Variants in ATP8A1 observed in about 807,000 individuals in gnomAD.
The protein encoded by ATP8A1 is ATPase phospholipid transporting 8A1, also known as phospholipid-transporting ATPase IA.
A neutral mutation model predicts 177.7 loss-of-function variants in ATP8A1; 90 were observed. The observed-to-expected ratio is 0.51, with a 90% CI of 0.43 to 0.60. The LOEUF (loss-of-function observed/expected upper bound fraction) is 0.60. Ranked by LOEUF, ATP8A1 falls within the 20% of genes least tolerant of loss-of-function variation. The pLI is 0.00. For synonymous variants in ATP8A1, 493 were observed against 485.9 expected, an observed-to-expected ratio of 1.01 and a Z score of -0.19; for missense variants, 1,072 against 1,392.8, an observed-to-expected ratio of 0.77 and a Z score of 3.67.
intron 1 of ATP8A1, among the ~76,000 whole-genome samples, chr4:42,640,798 G>A (rs1341369675): frequency 6.6e-6 from 1 of 152,084 alleles, no homozygotes. Context: ...TAGTACCTGA[G>A]CCCTAGGTGT....
chr4:42,594,711 T>C (rs995552469), intron 6 of ATP8A1, among the ~76,000 whole-genome samples: 5 of 152,118 alleles, frequency 3.3e-5, no homozygotes, highest in Non-Finnish European at 7.4e-5. Context: ...TCAATGCAAC[T>C]GGAGACGCTA....
intron 29 of ATP8A1, among the ~76,000 whole-genome samples, chr4:42,453,790 G>A (rs1352834274): frequency 1.3e-5 from 2 of 152,160 alleles, no homozygotes; most frequent in African/African-American, 4.8e-5. Context: ...GTTGGTTGGT[G>A]AGAATTATTG....
chr4:42,440,646 T>C (rs1057175052), intron 33 of ATP8A1, among the ~76,000 whole-genome samples: 6 of 152,176 alleles, frequency 3.9e-5, no homozygotes, highest in African/African-American at 9.7e-5. Flanking sequence ...AATATATATA[T>C]AGTCCTTACA....
At chr4:42,470,982 A>G (rs1720335590) in intron 25 of ATP8A1, among the ~76,000 whole-genome samples, 1 of 152,212 alleles carries the variant, frequency 6.6e-6, no homozygotes, top group Non-Finnish European at 1.5e-5. Context: ...AACGTAAACT[A>G]GAAGATCTTA....
chr4:42,573,522 G>A (rs568700384), intron 14 of ATP8A1, among the ~76,000 whole-genome samples: 3 of 152,232 alleles, frequency 2.0e-5, no homozygotes, highest in Non-Finnish European at 2.9e-5. Context: ...CATCCAGCCC[G>A]GGAAGCAGTA....
At chr4:42,434,986 A>G (rs1444977325) in intron 33 of ATP8A1, among the ~76,000 whole-genome samples, 2 of 152,198 alleles carry the variant, frequency 1.3e-5, no homozygotes, top group Non-Finnish European at 2.9e-5. Flanking sequence ...TAATCCAGTT[A>G]CTTTTTTAAA....
chr4:42,465,748 A>G (rs1719670479), intron 25 of ATP8A1, among the ~76,000 whole-genome samples: 1 of 152,126 alleles, frequency 6.6e-6, no homozygotes, highest in South Asian at 2.1e-4. Context: ...AAACACTAGG[A>G]CTGGCCGGGT....
intron 30 of ATP8A1, among the ~76,000 whole-genome samples, chr4:42,447,463 G>A (rs978560747): frequency 1.3e-5 from 2 of 152,158 alleles, no homozygotes; most frequent in Non-Finnish European, 2.9e-5. Context: ...GATTACAAGA[G>A]TGAGCCACTG....
At chr4:42,591,749 G>A (rs1414182349) in intron 6 of ATP8A1, among the ~76,000 whole-genome samples, 4 of 152,100 alleles carry the variant, frequency 2.6e-5, no homozygotes, top group Non-Finnish European at 5.9e-5. Flanking sequence ...GAAAGCCTAC[G>A]AAACACAGTA....
intron 1 of ATP8A1, among the ~76,000 whole-genome samples, chr4:42,656,177 G>C (rs1478096193): frequency 3.3e-5 from 5 of 152,328 alleles, no homozygotes; most frequent in Admixed American, 3.3e-4. Flanking sequence ...GCCCCAGGTG[G>C]AGCAAAGAAA....
chr4:42,485,438 C>T, intron 25 of ATP8A1, 58 bp downstream of exon 25: 1 of 1,463,596 alleles, frequency 6.8e-7, no homozygotes, highest in Non-Finnish European at 9.2e-7. Context: ...GTTTATAAAT[C>T]AAGAACTTAG....
intron 12 of ATP8A1, among the ~76,000 whole-genome samples, chr4:42,577,907 T>A (rs1732638670): frequency 6.6e-6 from 1 of 152,184 alleles, no homozygotes; most frequent in Admixed American, 6.5e-5. Flanking sequence ...ATTATCCCTA[T>A]GATTGTGTTC....
At chr4:42,594,196 G>T in intron 6 of ATP8A1, 1 of 673,962 alleles carries the variant, frequency 1.5e-6, no homozygotes, top group Non-Finnish European at 2.5e-6. Context: ...TAAATTCTTC[G>T]TTTATTCCTT....
chr4:42,461,185 G>A (rs528929718), intron 27 of ATP8A1, among the ~76,000 whole-genome samples: 1 of 150,666 alleles, frequency 6.6e-6, no homozygotes, highest in East Asian at 2.0e-4. Flanking sequence ...GATTACAGGT[G>A]ACAATGATAA....
chr4:42,489,401 T>C (rs1722522654), intron 24 of ATP8A1, among the ~76,000 whole-genome samples: 1 of 152,172 alleles, frequency 6.6e-6, no homozygotes, highest in African/African-American at 2.4e-5. Context: ...ATTCTCTAAA[T>C]TCGTGACATC....
chr4:42,616,250 A>G (rs1336417332), intron 4 of ATP8A1, among the ~76,000 whole-genome samples, 172 bp from the exon 5 acceptor site: 1 of 152,164 alleles, frequency 6.6e-6, no homozygotes, highest in Non-Finnish European at 1.5e-5. Flanking sequence ...GGGAAGAATT[A>G]GAGCACACCT....
Position 42,596,996 on chromosome 4 carries a change from T to C in ATP8A1, c.450+3482A>G, listed in dbSNP as rs138406358. 1.2e-3 allele frequency among the ~76,000 whole-genome samples: 184 copies of C among 152,320 alleles called. 1 individual carries two copies. The highest frequency in any genetic ancestry group is 4.2e-3 in the African/African-American group (175 of 41,570). Reference sequence around the variant, plus strand: ...ATTACCATACTTTCTTTTAAAACTATGTATCTGCAAGTTAACCTTTTGCAA... The same window carrying C: ...ATTACCATACTTTCTTTTAAAACTACGTATCTGCAAGTTAACCTTTTGCAA... On this transcript the variant is annotated intron_variant, in intron 6 of 36. Coordinates refer to ENST00000381668, the MANE Select transcript of ATP8A1 (RefSeq NM_006095.2).
intron 30 of ATP8A1, among the ~76,000 whole-genome samples, chr4:42,449,551 C>T (rs1289589001): frequency 6.6e-6 from 1 of 152,166 alleles, no homozygotes. Flanking sequence ...TATCCCCATC[C>T]TTTCAGAAAT....
In ATP8A1 at chr4:42,493,585, G is replaced by A. The variant is rs553102175; in HGVS notation, c.2152-7917C>T. On this transcript the variant is annotated intron_variant, in intron 24 of 36. Transcript: ENST00000381668. ...GCCAGAGTTATGTATGTATTTCAAT[G>A]TACCTCCTCATGATTTAATGTAATT... 5.3e-5 allele frequency among the ~76,000 whole-genome samples: 8 copies of A among 152,128 alleles called. 1 individual carries two copies. Among genetic ancestry groups the A allele is most frequent in the African/African-American group, 1.7e-4 (7 of 41,504 alleles).
Sources: gnomAD v4.1 joint callset for allele counts (sites outside exome capture counted in the v4.1 genomes callset) on GRCh38, gnomAD v4.1.1 for gene constraint, MANE v1.5 for transcripts, NCBI Gene and HGNC (gene_info 2026-07-23, HGNC 2026-07-21) for gene names.